The following DNER variants were observed in gnomAD, a reference collection of about 807,000 sequenced individuals.
The protein encoded by DNER is delta/notch like EGF repeat containing.
In DNER, 33 loss-of-function variants were observed where a neutral mutation model predicts 78.2. The observed-to-expected ratio is 0.42, with a 90% CI of 0.32 to 0.56. DNER has a LOEUF of 0.56. DNER is among the 20% of genes least tolerant of loss of function. The probability of loss-of-function intolerance (pLI) is 0.11; values close to 1 mark genes in which losing one functional copy is unlikely to be tolerated. For missense variants in DNER, 918 were observed against 975.3 expected, an observed-to-expected ratio of 0.94 and a Z score of 0.78; for synonymous variants, 417 against 384.8, an observed-to-expected ratio of 1.08 and a Z score of -0.98.
chr2:229,441,942 TCATGATGTCAATATACAGATTTAAA>T (rs775307159), intron 8 of DNER, among the ~76,000 whole-genome samples: 1 of 152,134 alleles, frequency 6.6e-6, no homozygotes, highest in African/African-American at 2.4e-5. Flanking sequence ...CTCAGCATCA[TCATGATGTCAATATACAGATTTAAA>T]CATTCTCTAA....
intron 8 of DNER, among the ~76,000 whole-genome samples, chr2:229,418,829 G>C (rs1693704155): frequency 6.6e-6 from 1 of 152,036 alleles, no homozygotes; most frequent in African/African-American, 2.4e-5. Context: ...GCTGAGGCAG[G>C]AGAATCACTT....
intron 1 of DNER, among the ~76,000 whole-genome samples, chr2:229,659,576 A>G (rs1181291018): frequency 6.6e-6 from 1 of 152,112 alleles, no homozygotes; most frequent in Non-Finnish European, 1.5e-5. Flanking sequence ...TCTGGTCTCC[A>G]TGAGCCTTTC....
At chr2:229,502,309 C>T (rs1310083782) in intron 6 of DNER, among the ~76,000 whole-genome samples, 2 of 152,154 alleles carry the variant, frequency 1.3e-5, no homozygotes, top group Non-Finnish European at 2.9e-5. Flanking sequence ...GAGGAGGCCA[C>T]CTGAGTCCAT....
At chr2:229,525,562 C>A (rs765229282) in intron 5 of DNER, among the ~76,000 whole-genome samples, 2 of 152,144 alleles carry the variant, frequency 1.3e-5, no homozygotes, top group African/African-American at 4.8e-5. Context: ...AGGAAAAACA[C>A]TTTGCATTTT....
At chr2:229,650,086 A>AG (rs1296734170) in intron 1 of DNER, among the ~76,000 whole-genome samples, 1 of 151,782 alleles carries the variant, frequency 6.6e-6, no homozygotes, top group African/African-American at 2.4e-5. Context: ...AAAAAAAAAA[A>AG]AAAAAAGAAA....
At chr2:229,426,958 G>C (rs1001027100) in intron 8 of DNER, among the ~76,000 whole-genome samples, 1 of 152,166 alleles carries the variant, frequency 6.6e-6, no homozygotes, top group African/African-American at 2.4e-5. Flanking sequence ...AATAGCTGCT[G>C]ATGTTTCTTA....
At chr2:229,445,586 G>T (rs1016243399) in intron 8 of DNER, among the ~76,000 whole-genome samples, 6 of 152,192 alleles carry the variant, frequency 3.9e-5, no homozygotes, top group African/African-American at 1.4e-4. Flanking sequence ...CAGAATGTGC[G>T]TGGGCTGCAT....
chr2:229,498,678 TA>T (rs1186425350), intron 6 of DNER, among the ~76,000 whole-genome samples: 2 of 152,048 alleles, frequency 1.3e-5, no homozygotes, highest in African/African-American at 4.8e-5. Context: ...AACTACAAAA[TA>T]AAATACTTAG....
intron 1 of DNER, among the ~76,000 whole-genome samples, chr2:229,632,612 G>A (rs1380336104): frequency 6.6e-6 from 1 of 152,152 alleles, no homozygotes; most frequent in Admixed American, 6.5e-5. Context: ...TAAATGTCAT[G>A]TACCAAGGAG....
intron 6 of DNER, among the ~76,000 whole-genome samples, chr2:229,480,529 C>A (rs1180254395): frequency 6.6e-6 from 1 of 152,184 alleles, no homozygotes; most frequent in African/African-American, 2.4e-5. Flanking sequence ...TCTTACAGAT[C>A]TAATAAATTA....
At chr2:229,575,190 G>A (rs2216250) in intron 4 of DNER, among the ~76,000 whole-genome samples, 128,836 of 151,882 alleles carry the variant, frequency 0.85, 55,344 homozygotes, top group Non-Finnish European at 0.92. Flanking sequence ...GGGAGAGAGA[G>A]AAAATGAGGC....
At chr2:229,546,818 C>CAGAT (rs1394897452) in intron 5 of DNER, 129 bp downstream of exon 5, 3 of 1,330,690 alleles carry the variant, frequency 2.3e-6, no homozygotes, top group African/African-American at 3.2e-5. Flanking sequence ...GACAGACAGA[C>CAGAT]AGACAGACAG....
chr2:229,702,872 G>A (rs756035544), intron 1 of DNER, among the ~76,000 whole-genome samples: 14 of 144,186 alleles, frequency 9.7e-5, no homozygotes, highest in Non-Finnish European at 1.3e-4. Flanking sequence ...AGCTGAGACC[G>A]TGCCACTGCA....
chr2:229,423,246 T>C (rs1199799944), intron 8 of DNER, among the ~76,000 whole-genome samples: 4 of 152,172 alleles, frequency 2.6e-5, no homozygotes, highest in Non-Finnish European at 2.9e-5. Context: ...GACCCTCATG[T>C]AGGCAAAAAC....
chr2:229,423,123 T>A (rs540027592), intron 8 of DNER, among the ~76,000 whole-genome samples: 1 of 152,238 alleles, frequency 6.6e-6, no homozygotes, highest in East Asian at 1.9e-4. Context: ...AGGGTTCTAC[T>A]GGAATTTAGG....
chr2:229,694,005 C>T (rs571821927), intron 1 of DNER, among the ~76,000 whole-genome samples: 9 of 152,322 alleles, frequency 5.9e-5, no homozygotes, highest in South Asian at 2.1e-4. Context: ...TGGGCCAGAT[C>T]CAGGGCCACC....
At chr2:229,432,439 A>T (rs1694027217) in intron 8 of DNER, among the ~76,000 whole-genome samples, 1 of 152,230 alleles carries the variant, frequency 6.6e-6, no homozygotes, top group Non-Finnish European at 1.5e-5. Flanking sequence ...AATAAAACCT[A>T]GATAATTACT....
chr2:229,516,240 T>C (rs926270043), intron 5 of DNER, among the ~76,000 whole-genome samples: 6 of 152,224 alleles, frequency 3.9e-5, no homozygotes. Flanking sequence ...AGAGCTTTCC[T>C]ATAATATTAA....
intron 5 of DNER, among the ~76,000 whole-genome samples, chr2:229,527,625 C>G (rs571499141): frequency 6.6e-6 from 1 of 152,280 alleles, no homozygotes; most frequent in South Asian, 2.1e-4. Flanking sequence ...TACCTCAGTG[C>G]CTTCTGTCCA....
Sources: allele counts gnomAD v4.1 joint callset (sites outside exome capture counted in the v4.1 genomes callset), GRCh38; gene constraint gnomAD v4.1.1; transcripts MANE v1.5; gene names NCBI Gene and HGNC (gene_info 2026-07-23, HGNC 2026-07-21).